The following ARHGEF4 variants were observed in gnomAD, a reference collection of about 807,000 sequenced individuals.
ARHGEF4 encodes Rho guanine nucleotide exchange factor 4.
A neutral mutation model predicts 162.0 loss-of-function variants in ARHGEF4; 119 were observed. That is an observed-to-expected ratio of 0.73 (90% CI 0.63 to 0.86). ARHGEF4 has a LOEUF of 0.86. Among genes scored for constraint, ARHGEF4 ranks in the 40% least tolerant of loss-of-function variants. ARHGEF4 has a pLI of 0.00. For missense variants in ARHGEF4, 2,488 were observed against 2,456.0 expected (o/e 1.01, Z -0.28); for synonymous variants, 1,014 against 979.9 (o/e 1.03, Z -0.65).
chr2:131,032,763 C>A (rs540427697), intron 5 of ARHGEF4, among the ~76,000 whole-genome samples: 151 of 151,990 alleles, frequency 9.9e-4, no homozygotes, highest in African/African-American at 3.4e-3. Flanking sequence ...TGGGCCACTC[C>A]CCTCCCTGGT....
At chr2:131,041,978 G>A in intron 10 of ARHGEF4, 34 bp downstream of exon 10, 2 of 1,599,792 alleles carry the variant, frequency 1.3e-6, no homozygotes, top group South Asian at 1.1e-5. Context: ...ATTCCAGGAG[G>A]TCTTGGCCCC....
chr2:131,002,496 G>A (rs1187916719), intron 4 of ARHGEF4, among the ~76,000 whole-genome samples: 3 of 152,032 alleles, frequency 2.0e-5, no homozygotes, highest in East Asian at 1.9e-4. Flanking sequence ...GGATCACGAG[G>A]TCAGGAGATC....
chr2:130,854,846 T>TTTA (rs372135407), intron 1 of ARHGEF4, among the ~76,000 whole-genome samples: 3 of 140,232 alleles, frequency 2.1e-5, no homozygotes, highest in Non-Finnish European at 4.6e-5. Context: ...GGAGTCTGAC[T>TTTA]TTTATTTATT....
At chr2:130,983,657 A>T (rs1255781788) in intron 4 of ARHGEF4, among the ~76,000 whole-genome samples, 2 of 149,302 alleles carry the variant, frequency 1.3e-5, no homozygotes, top group Non-Finnish European at 3.0e-5. Flanking sequence ...TATTTATTTA[A>T]TTTTTTTTTT....
chr2:130,997,755 A>G (rs531903168), intron 4 of ARHGEF4, among the ~76,000 whole-genome samples: 34 of 152,174 alleles, frequency 2.2e-4, no homozygotes, highest in Non-Finnish European at 4.6e-4. Context: ...ATTTGTTCCA[A>G]AATGATTGAT....
chr2:130,901,346 G>C (rs995463782), intron 1 of ARHGEF4, among the ~76,000 whole-genome samples: 6 of 152,082 alleles, frequency 3.9e-5, no homozygotes, highest in African/African-American at 1.4e-4. Flanking sequence ...TGGCCTCCCT[G>C]GGATCTGTTG....
chr2:131,002,656 G>A (rs946864176), intron 4 of ARHGEF4, among the ~76,000 whole-genome samples: 1 of 138,530 alleles, frequency 7.2e-6, no homozygotes, highest in Non-Finnish European at 1.5e-5. Flanking sequence ...CTTGCAGTGA[G>A]CCGAGATCGC....
intron 3 of ARHGEF4, among the ~76,000 whole-genome samples, chr2:130,933,549 T>C (rs1379817070): frequency 6.6e-6 from 1 of 152,200 alleles, no homozygotes; most frequent in Non-Finnish European, 1.5e-5. Flanking sequence ...AGTCTTCAAA[T>C]CCATGAACAC....
At chr2:131,016,145 C>A (rs1243889038) in intron 4 of ARHGEF4, among the ~76,000 whole-genome samples, 1 of 152,154 alleles carries the variant, frequency 6.6e-6, no homozygotes, top group Non-Finnish European at 1.5e-5. Flanking sequence ...GCCTGGAACA[C>A]TCTTCACCCC....
intron 4 of ARHGEF4, among the ~76,000 whole-genome samples, chr2:130,975,741 C>T (rs4850182): frequency 0.52 from 78,910 of 152,060 alleles, 24,218 homozygotes; most frequent in East Asian, 0.85. Context: ...GTGTATCTTA[C>T]CACACATGAC....
chr2:130,915,907 C>T lies in ARHGEF4; in HGVS notation c.1961C>T (p.Thr654Ile). Residue 654 changes from threonine to isoleucine, a missense_variant, in exon 2 of 14, where the codon ACA (threonine) becomes ATA (isoleucine). Transcript: ENST00000409359. Reference protein sequence around the residue: ...SRSNAGPVPETLPRDFPKERP... With the variant: ...SRSNAGPVPEILPRDFPKERP... ...AGCAATGCGGGGCCTGTTCCAGAAA[C>T]ACTGCCCCGTGACTTTCCTAAGGAA... 1 of 1,550,474 alleles carries T rather than the reference C, an allele frequency of 6.4e-7. No individual in the cohort carries two copies. Among genetic ancestry groups the T allele is most frequent in the Non-Finnish European group, 8.7e-7 (1 of 1,146,956 alleles).
intron 4 of ARHGEF4, among the ~76,000 whole-genome samples, chr2:131,021,939 T>C (rs1689161595): frequency 6.6e-6 from 1 of 152,224 alleles, no homozygotes; most frequent in South Asian, 2.1e-4. Context: ...ATTCTGTTAA[T>C]TTAGTGTATT....
At chr2:130,952,539 C>T (rs1684022791) in intron 4 of ARHGEF4, among the ~76,000 whole-genome samples, 2 of 152,260 alleles carry the variant, frequency 1.3e-5, no homozygotes, top group Admixed American at 1.3e-4. Context: ...TCCTATTCAA[C>T]ATAGTGTTGG....
chr2:131,033,152 T>C (rs1689983643), intron 5 of ARHGEF4, among the ~76,000 whole-genome samples: 1 of 152,174 alleles, frequency 6.6e-6, no homozygotes, highest in East Asian at 1.9e-4. Flanking sequence ...CCACACCCTG[T>C]CTGCCTTCAA....
At chr2:131,045,871 A>C (rs1193323690) in intron 13 of ARHGEF4, 167 bp from the exon 14 acceptor site, 1 of 1,483,152 alleles carries the variant, frequency 6.7e-7, no homozygotes, top group African/African-American at 1.4e-5. Context: ...AGGCAGCCTG[A>C]GCTCTTGGAT....
intron 4 of ARHGEF4, among the ~76,000 whole-genome samples, chr2:130,991,745 G>C (rs1385691976): frequency 6.6e-6 from 1 of 152,226 alleles, no homozygotes; most frequent in Non-Finnish European, 1.5e-5. Context: ...ATGGATTCCT[G>C]TGCAGCCCGA....
chr2:130,899,622 G>C (rs987387568), intron 1 of ARHGEF4, among the ~76,000 whole-genome samples: 5 of 152,220 alleles, frequency 3.3e-5, no homozygotes, highest in African/African-American at 1.2e-4. Context: ...GCAGGTGAGA[G>C]GGAGCCTTTG....
intron 4 of ARHGEF4, among the ~76,000 whole-genome samples, chr2:130,993,542 T>C (rs905963949): frequency 6.6e-6 from 1 of 152,156 alleles, no homozygotes; most frequent in Non-Finnish European, 1.5e-5. Flanking sequence ...TGCCTAAATC[T>C]TTCAGTAGGA....
intron 4 of ARHGEF4, among the ~76,000 whole-genome samples, chr2:130,953,531 G>T (rs957411749): frequency 6.6e-6 from 1 of 152,168 alleles, no homozygotes; most frequent in Non-Finnish European, 1.5e-5. Context: ...AAAAGTAATG[G>T]CAACAAAAGC....
Sources: allele counts gnomAD v4.1 joint callset (sites outside exome capture counted in the v4.1 genomes callset), GRCh38; gene constraint gnomAD v4.1.1; transcripts MANE v1.5; gene names NCBI Gene and HGNC (gene_info 2026-07-23, HGNC 2026-07-21).